Variants in TEKT3 observed in about 807,000 individuals in gnomAD.
TEKT3 encodes tektin 3.
In TEKT3, 49 loss-of-function variants were observed where a neutral mutation model predicts 49.8. The observed-to-expected ratio is 0.98, with a 90% CI of 0.78 to 1.25. The LOEUF (loss-of-function observed/expected upper bound fraction) is 1.25, where lower values mean the gene tolerates loss of function less well. Ranked by LOEUF, TEKT3 falls within the 50% of genes most tolerant of loss-of-function variation. The pLI is 0.00. For missense variants in TEKT3, 595 were observed against 629.5 expected (o/e 0.95, Z 0.59); for synonymous variants, 225 against 237.2 (o/e 0.95, Z 0.47).
At chr17:15,320,428 G>A (rs1171750028) in intron 4 of TEKT3, among the ~76,000 whole-genome samples, 2 of 152,056 alleles carry the variant, frequency 1.3e-5, no homozygotes, top group South Asian at 4.2e-4. Context: ...ATAAATGTGC[G>A]TGGTGCTTTT....
In TEKT3 at chr17:15,303,847, T is replaced by C; in HGVS notation, c.*89A>G. On this transcript the variant is annotated 3_prime_UTR_variant, in exon 9 of 9. Coordinates refer to ENST00000395930, the MANE Select transcript of TEKT3 (RefSeq NM_031898.3). ...TCCATCAGCATAATCCTTTAATAAGTGACTATATTAGCATTCGGTTCAAAT... is the reference window on the plus strand; with the variant it reads ...TCCATCAGCATAATCCTTTAATAAGCGACTATATTAGCATTCGGTTCAAAT... 1 of 1,221,154 alleles carries C rather than the reference T, an allele frequency of 8.2e-7. No homozygotes were observed. The highest frequency in any genetic ancestry group is 1.2e-6 in the Non-Finnish European group (1 of 837,556). The allele number at this position is 1,221,154 out of a possible 1,614,324, so 75.6% of individuals were successfully genotyped here.
Position 15,304,419 on chromosome 17 carries a change from T to G in TEKT3, c.1257-267A>C, listed in dbSNP as rs1445531513. On this transcript the variant is annotated intron_variant, in intron 8 of 8. Coordinates refer to ENST00000395930, the MANE Select transcript of TEKT3 (RefSeq NM_031898.3). This position sits in a 1 kb window ranked among gnomAD's most constrained non-coding sequence, Gnocchi z 4.7. ...TATCTAGACCATTTTAAAATCATTATGCCAAGGCAATTCTATAGTTTCACA... is the reference window on the plus strand; with the variant it reads ...TATCTAGACCATTTTAAAATCATTAGGCCAAGGCAATTCTATAGTTTCACA... Among the ~76,000 whole-genome samples the G allele has an allele frequency of 6.6e-6, 1 of 152,230 alleles. No individual in the cohort carries two copies. The highest frequency in any genetic ancestry group is 6.5e-5 in the Admixed American group (1 of 15,280).
chr17:15,319,476 T>G (rs375784804), intron 4 of TEKT3, among the ~76,000 whole-genome samples: 39 of 152,158 alleles, frequency 2.6e-4, no homozygotes, highest in African/African-American at 8.2e-4. Flanking sequence ...TCTGGTAATA[T>G]ACAAGGTCAA....
rs533969163 is a variant in TEKT3 at position 15,312,417 on chromosome 17, G to A, written c.943C>T (p.Arg315Trp). ...TCTCTTAGCTTAGCGGAAGCTGCCC[G>A]TTCACTCTGGGAGCGGAGAATATTG... The part of the protein sequence containing the change: ...DDNILRSQSE[R>W]AASAKLRDDI... The change falls in exon 7 of 9, where the codon CGG (arginine) becomes TGG (tryptophan). Residue 315 changes from arginine to tryptophan, a missense_variant. By Grantham distance (101) the Arg-to-Trp change is moderately radical. Coordinates refer to ENST00000395930, the MANE Select transcript of TEKT3 (RefSeq NM_031898.3). 64 of 1,614,148 alleles carry A rather than the reference G, an allele frequency of 4.0e-5. No homozygotes were observed. In the African/African-American group the frequency reaches 4.1e-4, roughly 10 times the overall value.
At chr17:15,317,084 C>T (rs565006189) in intron 5 of TEKT3, among the ~76,000 whole-genome samples, 9 of 152,248 alleles carry the variant, frequency 5.9e-5, no homozygotes, top group African/African-American at 2.2e-4. Flanking sequence ...CTGGACAGAT[C>T]ACAGTGGCCG....
chr17:15,334,510 T>G (rs1416989101), intron 2 of TEKT3, among the ~76,000 whole-genome samples: 1 of 152,236 alleles, frequency 6.6e-6, no homozygotes, highest in African/African-American at 2.4e-5. Flanking sequence ...GTGAGTCATC[T>G]GCTCCAGGGG....
At chr17:15,333,761 A>ATTTTATTTTATTTTAT (rs1555531332) in intron 2 of TEKT3, among the ~76,000 whole-genome samples, 3 of 103,074 alleles carry the variant, frequency 2.9e-5, no homozygotes, top group Non-Finnish European at 5.6e-5. Context: ...ATTTTATTTT[A>ATTTTATTTTATTTTAT]TTTTATTTTT....
intron 7 of TEKT3, among the ~76,000 whole-genome samples, chr17:15,310,598 A>C (rs1432905532): frequency 1.3e-5 from 2 of 152,026 alleles, no homozygotes; most frequent in African/African-American, 4.8e-5. Context: ...CCCTGCCGGC[A>C]CCTTGATCTC....
At chr17:15,333,013 T>C (rs561109371) in intron 2 of TEKT3, among the ~76,000 whole-genome samples, 3 of 150,910 alleles carry the variant, frequency 2.0e-5, no homozygotes, top group Non-Finnish European at 3.0e-5. Flanking sequence ...TGATATATCA[T>C]TGTAGATCTT....
intron 5 of TEKT3, among the ~76,000 whole-genome samples, chr17:15,318,764 T>G (rs1371962619): frequency 6.6e-6 from 1 of 152,190 alleles, no homozygotes; most frequent in Non-Finnish European, 1.5e-5. Flanking sequence ...GGCCTTGAAC[T>G]CCTGGGCTCA....
intron 3 of TEKT3, among the ~76,000 whole-genome samples, chr17:15,330,650 C>A (rs1911684189): frequency 1.3e-5 from 2 of 152,170 alleles, no homozygotes; most frequent in Admixed American, 1.3e-4. Context: ...AATTAAACCT[C>A]TTTTCTTTAT....
intron 7 of TEKT3, 90 bp from the exon 8 acceptor site, chr17:15,308,908 G>T: frequency 6.7e-7 from 1 of 1,498,170 alleles, no homozygotes; most frequent in Non-Finnish European, 9.1e-7. Context: ...TCCATGTCCA[G>T]CACGTGCCTT....
intron 2 of TEKT3, among the ~76,000 whole-genome samples, chr17:15,337,267 C>A (rs1912016286): frequency 6.6e-6 from 1 of 151,806 alleles, no homozygotes; most frequent in South Asian, 2.1e-4. Context: ...TGTTTTTGAA[C>A]CACTGAGCTG....
chr17:15,310,316 T>G (rs1420062357), intron 7 of TEKT3, among the ~76,000 whole-genome samples: 1 of 152,172 alleles, frequency 6.6e-6, no homozygotes, highest in Non-Finnish European at 1.5e-5. Flanking sequence ...AGTGTACCTG[T>G]TAGGGCTGAA....
At position 15,331,418 on chromosome 17, in the gene TEKT3, G is replaced by A; in HGVS notation, c.168C>T (p.Tyr56=). The change falls in exon 3 of 9, where the codon TAC becomes TAT. Residue 56 remains tyrosine (Y), a synonymous_variant. Coordinates refer to ENST00000395930, the MANE Select transcript of TEKT3 (RefSeq NM_031898.3). ...LSLPWRPSTY[Y]KVASNSPSVA... ...CGCTTGGGGAATTGGAGGCGACTTT[G>A]TAGTATGTGCTGGGTCTCCAAGGAA... 1 of 1,614,124 alleles carries A rather than the reference G, an allele frequency of 6.2e-7. No individual in the cohort carries two copies. The highest frequency in any genetic ancestry group is 8.5e-7 in the Non-Finnish European group (1 of 1,180,022).
intron 6 of TEKT3, among the ~76,000 whole-genome samples, chr17:15,313,333 G>A (rs1910848585): frequency 6.6e-6 from 1 of 152,100 alleles, no homozygotes; most frequent in African/African-American, 2.4e-5. Context: ...TAAGAAAGTG[G>A]CTGGAAGAGA....
At chr17:15,318,049 G>A (rs1445862732) in intron 5 of TEKT3, among the ~76,000 whole-genome samples, 1 of 148,948 alleles carries the variant, frequency 6.7e-6, no homozygotes, top group African/African-American at 2.5e-5. Flanking sequence ...GAGTGCAGTG[G>A]CGCAATCTCA....
intron 2 of TEKT3, among the ~76,000 whole-genome samples, chr17:15,339,219 A>G (rs1322510632): frequency 6.6e-6 from 1 of 152,116 alleles, no homozygotes; most frequent in Non-Finnish European, 1.5e-5. Flanking sequence ...CTGCCATATT[A>G]TGATGTAGCA....
intron 4 of TEKT3, among the ~76,000 whole-genome samples, chr17:15,323,199 G>T (rs537980811): frequency 6.6e-6 from 1 of 152,344 alleles, no homozygotes; most frequent in Admixed American, 6.5e-5. Context: ...CCAGCAGCAG[G>T]TCTGACATCT....
Sources: gnomAD v4.1 joint callset for allele counts (sites outside exome capture counted in the v4.1 genomes callset) on GRCh38, gnomAD v4.1.1 for gene constraint, Gnocchi (gnomAD v3.1) non-coding constraint, MANE v1.5 for transcripts, NCBI Gene and HGNC (gene_info 2026-07-23, HGNC 2026-07-21) for gene names.